The following PRAG1 variants were observed in gnomAD, a reference collection of about 807,000 sequenced individuals.
PRAG1 encodes inactive tyrosine-protein kinase PRAG1.
PRAG1 carries 110 observed loss-of-function variants against 95.6 expected under a neutral mutation model. The ratio of observed to expected loss-of-function variants is 1.15; its 90% confidence interval spans 0.99 to 1.35. The LOEUF (loss-of-function observed/expected upper bound fraction) is 1.35. Among genes scored for constraint, PRAG1 ranks in the 40% most tolerant of loss-of-function variants. The pLI is 0.00. For missense variants in PRAG1, 2,554 were observed against 1,864.7 expected, an observed-to-expected ratio of 1.37 and a Z score of -6.81; for synonymous variants, 1,052 against 819.4, an observed-to-expected ratio of 1.28 and a Z score of -4.85.
At chr8:8,327,569 T>A in intron 5 of PRAG1, 141 bp downstream of exon 5, 1 of 1,025,460 alleles carries the variant, frequency 9.8e-7, no homozygotes, top group Non-Finnish European at 1.4e-6. Context: ...GACTCTTATC[T>A]TACAAGAAAA....
intron 2 of PRAG1, among the ~76,000 whole-genome samples, chr8:8,378,366 A>G (rs1800508563): frequency 6.6e-6 from 1 of 152,164 alleles, no homozygotes; most frequent in Non-Finnish European, 1.5e-5. Context: ...TAGGAAAAGA[A>G]AAATATAACT....
At chr8:8,356,907 G>T (rs1799699335) in intron 3 of PRAG1, among the ~76,000 whole-genome samples, 1 of 152,132 alleles carries the variant, frequency 6.6e-6, no homozygotes. Context: ...TTTTCAACAG[G>T]AGTGCCAAGA....
At chr8:8,321,429 T>A (rs1215752535) in intron 5 of PRAG1, among the ~76,000 whole-genome samples, 2 of 152,158 alleles carry the variant, frequency 1.3e-5, no homozygotes, top group African/African-American at 2.4e-5. Context: ...ACTATTAAAC[T>A]AAAGGAAATT....
rs566655404 is a variant in PRAG1, at chr8:8,368,552, G to A, written c.2162+7695C>T. On this transcript the variant is annotated intron_variant, in intron 3 of 5. Transcript: ENST00000615670. ...TCTATCAACCCTGATAGAAGGAAAC[G>A]TAAGATCTTTAATGAGGGCATTAAC... Among the ~76,000 whole-genome samples, 6 of 152,292 alleles carry A rather than the reference G, an allele frequency of 3.9e-5. No individual in the cohort carries two copies. In the South Asian group the frequency reaches 8.3e-4, roughly 21 times the overall value.
intron 3 of PRAG1, among the ~76,000 whole-genome samples, chr8:8,359,435 T>C (rs1272871215): frequency 6.6e-6 from 1 of 152,220 alleles, no homozygotes; most frequent in Non-Finnish European, 1.5e-5. Flanking sequence ...TTCTTTCTAT[T>C]GACCGGACCA....
intron 3 of PRAG1, among the ~76,000 whole-genome samples, chr8:8,362,442 C>G (rs1799873265): frequency 6.6e-6 from 1 of 152,202 alleles, no homozygotes; most frequent in Admixed American, 6.5e-5. Context: ...CAGTGCAAGC[C>G]TGTCCATCCT....
intron 3 of PRAG1, among the ~76,000 whole-genome samples, chr8:8,351,660 C>T (rs1405977216): frequency 6.6e-6 from 1 of 152,136 alleles, no homozygotes; most frequent in Non-Finnish European, 1.5e-5. Context: ...TATAGTATAG[C>T]CCCAGATCCA....
chr8:8,335,710 C>G (rs1798964017), intron 4 of PRAG1, among the ~76,000 whole-genome samples: 1 of 152,032 alleles, frequency 6.6e-6, no homozygotes, highest in African/African-American at 2.4e-5. Flanking sequence ...GCACTTCCAC[C>G]CCTCCCCACC....
rs2117116281 is a variant in PRAG1, at chr8:8,328,164, T to C, written c.2618A>G (p.His873Arg). The part of the protein sequence containing the change: ...SYSLSPGNRH[H>R]PVFSSSDPLE... ...AGGATCGGAAGAGGAGAAGACAGGA[T>C]GGTGGCGGTTCCCGGGGCTCAACGA... is the stretch of plus-strand genomic sequence containing the variant. The change falls in exon 5 of 6, where the codon CAT becomes CGT. Residue 873 changes from histidine to arginine, a missense_variant. Transcript: ENST00000615670. 1.2e-6 allele frequency: 2 copies of C among 1,614,140 alleles called. No individual in the cohort carries two copies. Among genetic ancestry groups the C allele is most frequent in the Admixed American group, 1.7e-5 (1 of 60,026 alleles).
rs561290194 is a variant in PRAG1, at chr8:8,376,967, G to A, written c.1442C>T (p.Pro481Leu). The change falls in exon 3 of 6, where the codon CCG (proline) becomes CTG (leucine). Residue 481 changes from proline to leucine, a missense_variant. Pro to Leu is a moderately conservative substitution (Grantham distance 98). Coordinates refer to ENST00000615670, the MANE Select transcript of PRAG1 (RefSeq NM_001080826.3). ...SATITVMAAH[P>L]EEDHRTIYLS... ...GTAGATCGTCCGATGGTCCTCTTCC[G>A]GGTGGGCCGCCATGACTGTGATGGT... The A allele has an allele frequency of 9.3e-6, 15 of 1,613,524 alleles. No homozygotes were observed. The highest frequency in any genetic ancestry group is 6.7e-5 in the East Asian group (3 of 44,876).
Position 8,328,350 on chromosome 8 carries a change from T to G in PRAG1, c.2432A>C (p.Gln811Pro). Residue 811 changes from glutamine to proline, a missense_variant, in exon 5 of 6, where the codon CAG becomes CCG. Coordinates refer to ENST00000615670, the MANE Select transcript of PRAG1 (RefSeq NM_001080826.3). ...CTTTTTCTGGGGGAGTGGAGGGGGC[T>G]GCTGGGGGCCACTGGGGGACACGTC... ...TEDVSPSGPQ[Q>P]PPPLPQKKIV... 1 of 1,609,596 alleles carries G rather than the reference T, an allele frequency of 6.2e-7. No individual in the cohort carries two copies. Among genetic ancestry groups the G allele is most frequent in the East Asian group, 2.2e-5 (1 of 44,756 alleles).
intron 3 of PRAG1, among the ~76,000 whole-genome samples, chr8:8,366,675 CTTTATT>C (rs1310525220): frequency 7.1e-6 from 1 of 139,898 alleles, no homozygotes; most frequent in Non-Finnish European, 1.6e-5. Flanking sequence ...AGATTTTGCA[CTTTATT>C]TTTATCTTTT....
At position 8,318,601 on chromosome 8, in the gene PRAG1, G is replaced by A; in HGVS notation, c.3774C>T (p.Gly1258=). 6.2e-7 allele frequency: 1 copy of A among 1,613,414 alleles called. No homozygotes were observed. The highest frequency in any genetic ancestry group is 2.2e-5 in the East Asian group (1 of 44,814). ...GGTGCAGCAGCTCGTAGATGAGGAT[G>A]CCTGTCTGGAACTCATCGAACTTGC... The part of the protein sequence containing the change: ...QYRKFDEFQT[G]ILIYELLHQP... The change falls in exon 6 of 6, where the codon GGC becomes GGT. Residue 1258 remains glycine, a synonymous_variant. Coordinates refer to ENST00000615670, the MANE Select transcript of PRAG1 (RefSeq NM_001080826.3). The surrounding 1 kb of genome is among the most constrained non-coding windows in gnomAD (Gnocchi z 4.2).
At chr8:8,339,702 G>A in intron 3 of PRAG1, 67 bp from the exon 4 acceptor site, 1 of 1,494,202 alleles carries the variant, frequency 6.7e-7, no homozygotes, top group East Asian at 2.3e-5. Context: ...CAGGCTGATG[G>A]ATCATGAACT....
At chr8:8,367,984 G>A (rs1316049423) in intron 3 of PRAG1, among the ~76,000 whole-genome samples, 1 of 152,132 alleles carries the variant, frequency 6.6e-6, no homozygotes, top group African/African-American at 2.4e-5. Context: ...CTGCCATATG[G>A]AGCTCACAAA....
intron 5 of PRAG1, among the ~76,000 whole-genome samples, chr8:8,324,910 C>A: frequency 6.6e-6 from 1 of 152,136 alleles, no homozygotes; most frequent in Non-Finnish European, 1.5e-5. Context: ...GCTACAAGAA[C>A]CAGCTTTATC....
At chr8:8,376,104 A>C in intron 3 of PRAG1, 143 bp downstream of exon 3, 1 of 1,141,252 alleles carries the variant, frequency 8.8e-7, no homozygotes. Flanking sequence ...CTGCACTGGG[A>C]CCCTGGGAAA....
intron 4 of PRAG1, among the ~76,000 whole-genome samples, chr8:8,329,390 T>TAATAATAAA (rs72274885): frequency 2.1e-4 from 24 of 111,714 alleles, no homozygotes; most frequent in Non-Finnish European, 3.8e-4. Flanking sequence ...AAACTTCATC[T>TAATAATAAA]AATAATAATA....
At chr8:8,364,838 C>A (rs745361307) in intron 3 of PRAG1, among the ~76,000 whole-genome samples, 5 of 152,064 alleles carry the variant, frequency 3.3e-5, no homozygotes, top group Non-Finnish European at 7.4e-5. Flanking sequence ...CTGTAAGGAT[C>A]TTCTCTATTC....
Sources: allele counts gnomAD v4.1 joint callset (sites outside exome capture counted in the v4.1 genomes callset), GRCh38; gene constraint gnomAD v4.1.1; non-coding constraint Gnocchi (gnomAD v3.1); transcripts MANE v1.5; gene names NCBI Gene and HGNC (gene_info 2026-07-23, HGNC 2026-07-21).